The following SLC6A16 variants were observed in gnomAD, a reference collection of about 807,000 sequenced individuals.
The protein encoded by SLC6A16 is orphan sodium- and chloride-dependent neurotransmitter transporter NTT5.
Under a neutral mutation model 65.4 loss-of-function variants are expected in SLC6A16, and 54 were observed. That is an observed-to-expected ratio of 0.83 (90% CI 0.66 to 1.04). The LOEUF (loss-of-function observed/expected upper bound fraction) is 1.04. Ranked by LOEUF, SLC6A16 falls within the 50% of genes least tolerant of loss-of-function variation. SLC6A16 has a pLI of 0.00. For synonymous variants in SLC6A16, 330 were observed against 346.5 expected (o/e 0.95, Z 0.53); for missense variants, 816 against 914.0 (o/e 0.89, Z 1.38).
At chr19:49,294,266 G>A in intron 8 of SLC6A16, 101 bp downstream of exon 8, 2 of 1,183,074 alleles carry the variant, frequency 1.7e-6, no homozygotes, top group Admixed American at 2.2e-5. Flanking sequence ...GATGATTCTG[G>A]TGCTTCCGGG....
In SLC6A16 at chr19:49,293,150, T is replaced by TAC. The variant is rs1050283922; in HGVS notation, c.1778+72_1778+73insGT. The TAC allele has an allele frequency of 1.4e-5, 21 of 1,461,542 alleles. No individual in the cohort carries two copies. In the African/African-American group the frequency reaches 2.7e-4, roughly 19 times the overall value. The allele number at this position is 1,461,542 out of a possible 1,614,324, so 90.5% of individuals were successfully genotyped here. A position where few individuals can be genotyped will look rare whatever the true frequency, so the allele number is the denominator to read the frequency against. ...TATGTCACACTAGGTGGGTTGACAGTAGAGGCAACAAAAAAGGGGTCACCC... is the reference window on the plus strand; with the variant it reads ...TATGTCACACTAGGTGGGTTGACAGTACAGAGGCAACAAAAAAGGGGTCACCC... On this transcript the variant is annotated intron_variant, in intron 10 of 11. Coordinates refer to ENST00000335875, the MANE Select transcript of SLC6A16 (RefSeq NM_014037.3).
At chr19:49,298,367 T>G (rs1970223142) in intron 7 of SLC6A16, among the ~76,000 whole-genome samples, 1 of 152,080 alleles carries the variant, frequency 6.6e-6, no homozygotes, top group Non-Finnish European at 1.5e-5. Flanking sequence ...ATATCCAGAA[T>G]CTATGACAAA....
chr19:49,299,753 T>A (rs1335577763), intron 7 of SLC6A16, among the ~76,000 whole-genome samples: 1 of 151,610 alleles, frequency 6.6e-6, no homozygotes, highest in Non-Finnish European at 1.5e-5. Context: ...CTGGGCATGG[T>A]GGCTCACGCC....
At chr19:49,336,826 A>C in the SLC6A16 span, 1 of 1,511,546 alleles carries the variant, frequency 6.6e-7, no homozygotes, top group Non-Finnish European at 9.1e-7. Flanking sequence ...ACTGCTCCCC[A>C]CTTGGGTGGC....
At chr19:49,340,063 A>G in the SLC6A16 span, 2 of 1,515,162 alleles carry the variant, frequency 1.3e-6, no homozygotes, top group Non-Finnish European at 1.8e-6. Flanking sequence ...TGTAGCAGCT[A>G]TTCCCGCCTC....
At chr19:49,305,272 G>A (rs908822731) in intron 7 of SLC6A16, among the ~76,000 whole-genome samples, 1 of 152,204 alleles carries the variant, frequency 6.6e-6, no homozygotes, top group Non-Finnish European at 1.5e-5. Context: ...ACAAACAGGA[G>A]TGAACCCAGC....
intron 7 of SLC6A16, among the ~76,000 whole-genome samples, chr19:49,303,187 A>C (rs1006695458): frequency 1.3e-5 from 2 of 152,218 alleles, no homozygotes; most frequent in Non-Finnish European, 2.9e-5. Flanking sequence ...AAATTATTTA[A>C]AACTGAAGAC....
At chr19:49,339,733 G>A in the SLC6A16 span, 1 of 1,399,110 alleles carries the variant, frequency 7.1e-7, no homozygotes, top group Non-Finnish European at 9.2e-7. The surrounding 1 kb of genome is among the most constrained non-coding windows in gnomAD (Gnocchi z 4.5). Flanking sequence ...CGTGCCGGGC[G>A]CTGGGGATTC....
At chr19:49,339,144 G>A in the SLC6A16 span, among the ~76,000 whole-genome samples, 4 of 152,254 alleles carry the variant, frequency 2.6e-5, no homozygotes, top group East Asian at 5.8e-4. This position sits in a 1 kb window ranked among gnomAD's most constrained non-coding sequence, Gnocchi z 4.5. Context: ...GAATACAGAT[G>A]TCTAGGGAGG....
chr19:49,314,616 C>CT (rs1308971146), intron 1 of SLC6A16, among the ~76,000 whole-genome samples: 1 of 151,982 alleles, frequency 6.6e-6, no homozygotes, highest in Non-Finnish European at 1.5e-5. Flanking sequence ...GATATTCCCC[C>CT]CAAAAAAACC....
chr19:49,329,787 T>G (rs1970831001), upstream of SLC6A16, among the ~76,000 whole-genome samples: 1 of 151,702 alleles, frequency 6.6e-6, no homozygotes, highest in Admixed American at 6.6e-5. Context: ...CGCCCGCCAC[T>G]ACGCCTGGCT....
At chr19:49,293,012 C>G in intron 10 of SLC6A16, 1 of 508,194 alleles carries the variant, frequency 2.0e-6, no homozygotes, top group Non-Finnish European at 3.5e-6. Flanking sequence ...ATTCAATGCC[C>G]CTATCCCTGA....
intron 1 of SLC6A16, among the ~76,000 whole-genome samples, chr19:49,313,591 C>A (rs1970564121): frequency 6.9e-6 from 1 of 145,358 alleles, no homozygotes; most frequent in African/African-American, 2.6e-5. Context: ...ACCAGCCTGG[C>A]CAACATGGCA....
chr19:49,312,278 G>C (rs144013016), intron 1 of SLC6A16, among the ~76,000 whole-genome samples: 2 of 152,152 alleles, frequency 1.3e-5, no homozygotes, highest in African/African-American at 4.8e-5. Context: ...CCTTAGAAAA[G>C]TTACTTTACC....
At chr19:49,316,122 C>G (rs1970609716) in intron 1 of SLC6A16, among the ~76,000 whole-genome samples, 1 of 152,040 alleles carries the variant, frequency 6.6e-6, no homozygotes, top group African/African-American at 2.4e-5. Flanking sequence ...ATTTATATGT[C>G]TATGCTTGCA....
In SLC6A16 at chr19:49,307,141, G is replaced by A. The variant is rs12151348; in HGVS notation, c.1229+1735C>T. 2.1e-5 allele frequency among the ~76,000 whole-genome samples: 3 copies of A among 145,794 alleles called. No individual in the cohort carries two copies. The East Asian group carries it at 6.3e-4, about 31-fold the overall frequency. ...AATCCTCCCACCTCAGCCTCCCTAA[G>A]AGCTGGCATTACAGGCGTGAGCCAC... On this transcript the variant is annotated intron_variant, in intron 7 of 11. Coordinates refer to ENST00000335875, the MANE Select transcript of SLC6A16 (RefSeq NM_014037.3).
At chr19:49,315,614 T>C (rs778172990) in intron 1 of SLC6A16, among the ~76,000 whole-genome samples, 1 of 152,090 alleles carries the variant, frequency 6.6e-6, no homozygotes, top group South Asian at 2.1e-4. Flanking sequence ...AAAAACTCAG[T>C]AGAGATGATT....
the SLC6A16 span, chr19:49,338,147 C>A: frequency 4.8e-6 from 7 of 1,466,744 alleles, no homozygotes; most frequent in African/African-American, 1.4e-5. This position sits in a 1 kb window ranked among gnomAD's most constrained non-coding sequence, Gnocchi z 5.0. Flanking sequence ...ACACCCCAAT[C>A]CCTCCCAGGC....
At position 49,325,032 on chromosome 19, in the gene SLC6A16, G is replaced by A. The variant is rs920468730; in HGVS notation, c.-65+16C>T. ...ATGTGGGAACATTTTAGGGCTCCCT[G>A]GGCCGTGACCCTCACCCTAGCCCCA... On this transcript the variant is annotated intron_variant, in intron 1 of 11. Transcript: ENST00000335875. 1.0e-5 allele frequency: 10 copies of A among 985,270 alleles called. No individual in the cohort carries two copies. Among genetic ancestry groups the A allele is most frequent in the African/African-American group, 1.7e-5 (1 of 57,220 alleles). The allele number at this position is 985,270 out of a possible 1,614,324, so 61.0% of individuals were successfully genotyped here. A position where few individuals can be genotyped will look rare whatever the true frequency, so the allele number is the denominator to read the frequency against.
Sources: allele counts gnomAD v4.1 joint callset (sites outside exome capture counted in the v4.1 genomes callset), GRCh38; gene constraint gnomAD v4.1.1; non-coding constraint Gnocchi (gnomAD v3.1); transcripts MANE v1.5; gene names NCBI Gene and HGNC (gene_info 2026-07-23, HGNC 2026-07-21).